The following ATRNL1 variants were observed in gnomAD, a reference collection of about 807,000 sequenced individuals.
The protein encoded by ATRNL1 is attractin like 1, also known as attractin-like protein 1.
A neutral mutation model predicts 182.7 loss-of-function variants in ATRNL1; 95 were observed. That is an observed-to-expected ratio of 0.52 (90% confidence interval 0.44 to 0.62). The LOEUF (loss-of-function observed/expected upper bound fraction) is 0.62. ATRNL1 is among the 20% of genes least tolerant of loss of function. ATRNL1 has a pLI of 0.00. For missense variants in ATRNL1, 1,471 were observed against 1,679.5 expected, an observed-to-expected ratio of 0.88 and a Z score of 2.17; for synonymous variants, 576 against 568.3, an observed-to-expected ratio of 1.01 and a Z score of -0.19.
intron 8 of ATRNL1, among the ~76,000 whole-genome samples, chr10:115,177,102 A>C (rs1233786565): frequency 6.6e-6 from 1 of 152,154 alleles, no homozygotes; most frequent in Non-Finnish European, 1.5e-5. Flanking sequence ...AGTACGGTGA[A>C]GTGTAAGCCA....
chr10:115,265,085 C>CCT, intron 10 of ATRNL1, 108 bp from the exon 11 acceptor site: 1 of 557,554 alleles, frequency 1.8e-6, no homozygotes, highest in South Asian at 3.5e-5. Context: ...TTTTTTGCTT[C>CCT]CTGCTTATGC....
rs574572867 is a variant in ATRNL1 at position 115,163,982 on chromosome 10, G to C, written c.1005-1576G>C. Among the ~76,000 whole-genome samples the C allele has an allele frequency of 7.9e-5, 12 of 152,218 alleles. No homozygotes were observed. The South Asian group carries it at 2.5e-3, about 32-fold the overall frequency. On this transcript the variant is annotated intron_variant, in intron 6 of 28. Coordinates refer to ENST00000355044, the MANE Select transcript of ATRNL1 (RefSeq NM_207303.4). ...GGTAACCCTTACCTTTCTTGTGAAG[G>C]GGCACTTGGGCACTTCCTTTCCTTT...
intron 8 of ATRNL1, among the ~76,000 whole-genome samples, chr10:115,186,657 C>A (rs1847952694): frequency 6.6e-6 from 1 of 151,966 alleles, no homozygotes; most frequent in African/African-American, 2.4e-5. Context: ...AAAACAAACT[C>A]ATGGAGATAG....
intron 27 of ATRNL1, among the ~76,000 whole-genome samples, chr10:115,807,829 A>G (rs1949956149): frequency 6.6e-6 from 1 of 152,208 alleles, no homozygotes; most frequent in South Asian, 2.1e-4. Context: ...AGTCAATGAC[A>G]TACCTGAAAT....
At chr10:115,459,710 C>T (rs1029771088) in intron 21 of ATRNL1, among the ~76,000 whole-genome samples, 5 of 152,042 alleles carry the variant, frequency 3.3e-5, no homozygotes, top group East Asian at 1.9e-4. Flanking sequence ...TATTCTATTA[C>T]GCTGTTAAGT....
intron 26 of ATRNL1, among the ~76,000 whole-genome samples, chr10:115,572,088 TG>T (rs760827969): frequency 2.0e-5 from 3 of 152,156 alleles, no homozygotes; most frequent in Non-Finnish European, 4.4e-5. Context: ...AGTTTGGTTT[TG>T]GGGGTGATGG....
intron 28 of ATRNL1, among the ~76,000 whole-genome samples, chr10:115,919,064 C>T (rs1229251058): frequency 6.6e-6 from 1 of 152,124 alleles, no homozygotes; most frequent in African/African-American, 2.4e-5. Flanking sequence ...AGACATAACC[C>T]CATAGGAAGA....
intron 27 of ATRNL1, among the ~76,000 whole-genome samples, chr10:115,737,746 GAAT>G (rs1555066410): frequency 1.3e-5 from 2 of 152,160 alleles, no homozygotes; most frequent in Non-Finnish European, 2.9e-5. Flanking sequence ...GTTTCAGAGA[GAAT>G]GAGGACTCAG....
chr10:115,332,262 C>G (rs1452225904), intron 18 of ATRNL1, among the ~76,000 whole-genome samples: 2 of 152,178 alleles, frequency 1.3e-5, no homozygotes, highest in African/African-American at 4.8e-5. Context: ...AACTGATTCT[C>G]TTACCATCCA....
intron 27 of ATRNL1, among the ~76,000 whole-genome samples, chr10:115,812,909 T>A (rs1474404329): frequency 3.3e-5 from 5 of 151,968 alleles, no homozygotes; most frequent in African/African-American, 1.2e-4. Context: ...TTCGCTTCAC[T>A]GTCCCTAGAA....
chr10:115,180,357 G>A (rs546043093), intron 8 of ATRNL1, among the ~76,000 whole-genome samples: 16 of 151,704 alleles, frequency 1.1e-4, no homozygotes, highest in African/African-American at 3.4e-4. Flanking sequence ...CTTTGATTTT[G>A]TTTATCACGA....
At chr10:115,636,292 A>G (rs1165669736) in intron 26 of ATRNL1, among the ~76,000 whole-genome samples, 7 of 145,720 alleles carry the variant, frequency 4.8e-5, no homozygotes, top group African/African-American at 1.7e-4. Context: ...GCAGCTGGCA[A>G]TAGCAATAGG....
At chr10:115,795,945 G>A (rs188379737) in intron 27 of ATRNL1, among the ~76,000 whole-genome samples, 225 of 152,132 alleles carry the variant, frequency 1.5e-3, no homozygotes, top group Non-Finnish European at 2.6e-3. Flanking sequence ...TGCCCCACAC[G>A]GATCCCTCCT....
At chr10:115,303,653 A>G (rs1204429618) in intron 17 of ATRNL1, among the ~76,000 whole-genome samples, 1 of 152,306 alleles carries the variant, frequency 6.6e-6, no homozygotes, top group African/African-American at 2.4e-5. Context: ...TCTTCTCAAC[A>G]TCTGAGTGTC....
intron 5 of ATRNL1, among the ~76,000 whole-genome samples, chr10:115,154,625 G>T (rs1446269959): frequency 1.3e-5 from 2 of 152,000 alleles, no homozygotes; most frequent in African/African-American, 4.8e-5. Context: ...AGTCTATCCT[G>T]GAGAACATTT....
chr10:115,149,479 G>A (rs543755819), intron 5 of ATRNL1, among the ~76,000 whole-genome samples: 5 of 151,972 alleles, frequency 3.3e-5, no homozygotes, highest in South Asian at 2.1e-4. Flanking sequence ...TGGGTTTGTC[G>A]TATATGTCCT....
chr10:115,348,779 G>C (rs1330638833), intron 19 of ATRNL1, among the ~76,000 whole-genome samples: 1 of 152,084 alleles, frequency 6.6e-6, no homozygotes, highest in Non-Finnish European at 1.5e-5. Context: ...TCTCATTGAA[G>C]AATCTGGTCT....
intron 24 of ATRNL1, among the ~76,000 whole-genome samples, chr10:115,513,885 C>T (rs1850510911): frequency 6.6e-6 from 1 of 151,830 alleles, no homozygotes; most frequent in East Asian, 1.9e-4. Flanking sequence ...CCTGTAGCCT[C>T]CAGCTGGGAC....
intron 6 of ATRNL1, among the ~76,000 whole-genome samples, chr10:115,160,539 T>A (rs1461172075): frequency 4.2e-5 from 6 of 144,560 alleles, no homozygotes; most frequent in Non-Finnish European, 3.1e-5. Context: ...TTTTTTTTTT[T>A]AATGAAGTAT....
Sources: gnomAD v4.1 joint callset for allele counts (sites outside exome capture counted in the v4.1 genomes callset) on GRCh38, gnomAD v4.1.1 for gene constraint, MANE v1.5 for transcripts, NCBI Gene and HGNC (gene_info 2026-07-23, HGNC 2026-07-21) for gene names.